The following RBM25 variants were observed in gnomAD, a reference collection of about 807,000 sequenced individuals.
RBM25 encodes RNA binding motif protein 25.
RBM25 carries 19 observed loss-of-function variants against 120.7 expected under a neutral mutation model. The ratio of observed to expected loss-of-function variants is 0.16; its 90% CI spans 0.11 to 0.23. RBM25 has a LOEUF of 0.23. Among genes scored for constraint, RBM25 ranks in the 10% least tolerant of loss-of-function variants. The probability of loss-of-function intolerance (pLI) is 1.00; values close to 1 mark genes in which losing one functional copy is unlikely to be tolerated. For missense variants in RBM25, 605 were observed against 1,041.5 expected (o/e 0.58, Z 5.77); for synonymous variants, 390 against 326.7 (o/e 1.19, Z -2.09).
At chr14:73,113,476 T>C (rs1896358117) in intron 17 of RBM25, among the ~76,000 whole-genome samples, 1 of 151,544 alleles carries the variant, frequency 6.6e-6, no homozygotes, top group Admixed American at 6.6e-5. Context: ...AGAACACTTG[T>C]GGTCACGAGT....
chr14:73,066,510 G>T (rs1895137895), intron 1 of RBM25, among the ~76,000 whole-genome samples: 1 of 152,176 alleles, frequency 6.6e-6, no homozygotes, highest in African/African-American at 2.4e-5. Flanking sequence ...GGTCGTGCGT[G>T]CCTTGTGGTG....
intron 10 of RBM25, among the ~76,000 whole-genome samples, chr14:73,103,944 T>TCA (rs1896117191): frequency 2.4e-4 from 10 of 42,528 alleles, no homozygotes; most frequent in Non-Finnish European, 4.7e-4. Context: ...TCTCTCTCTC[T>TCA]CTCTCACACA....
rs2140471382 is a variant in RBM25 at position 73,121,088 on chromosome 14, C to A, written c.*1283C>A. The A allele has an allele frequency of 6.6e-6, 1 of 152,506 alleles. No individual in the cohort carries two copies. The highest frequency in any genetic ancestry group is 6.5e-5 in the Admixed American group (1 of 15,290). The allele number at this position is 152,506 out of a possible 1,614,324, so 9.4% of individuals were successfully genotyped here. A position where few individuals can be genotyped will look rare whatever the true frequency, so the allele number is the denominator to read the frequency against. On this transcript the variant is annotated 3_prime_UTR_variant, in exon 19 of 19. Coordinates refer to ENST00000261973, the MANE Select transcript of RBM25 (RefSeq NM_021239.3). ...TGAAAACGTAAGAAGTTTTAAACAGCTTTTCACACAAATTAGATGCAACTG... is the reference window on the plus strand; with the variant it reads ...TGAAAACGTAAGAAGTTTTAAACAGATTTTCACACAAATTAGATGCAACTG...
intron 18 of RBM25, among the ~76,000 whole-genome samples, chr14:73,115,531 C>T (rs1038052489): frequency 6.6e-6 from 1 of 152,184 alleles, no homozygotes; most frequent in African/African-American, 2.4e-5. Flanking sequence ...CAAGATTGTA[C>T]ATATGTGCTG....
At position 73,103,363 on chromosome 14, in the gene RBM25, C is replaced by T. The variant is rs774143850; in HGVS notation, c.1039C>T (p.Arg347Trp). The T allele has an allele frequency of 5.0e-6, 8 of 1,607,638 alleles. No individual in the cohort carries two copies. Among genetic ancestry groups the T allele is most frequent in the South Asian group, 1.1e-5 (1 of 90,010 alleles). Residue 347 changes from arginine to tryptophan, a missense_variant, in exon 10 of 19, where the codon CGG becomes TGG. This residue lies in a region of RBM25 where 465 missense variants were observed against 741.6 expected (regional missense o/e 0.63). Coordinates refer to ENST00000261973, the MANE Select transcript of RBM25 (RefSeq NM_021239.3). Reference protein sequence around the residue: ...KEKERERERERDRDRDRTKER... With the variant: ...KEKEREREREWDRDRDRTKER... Reference sequence around the variant, plus strand: ...GAAAGAACGGGAGCGGGAACGAGAACGGGATAGGGACCGTGACCGGACAAA... The same window carrying T: ...GAAAGAACGGGAGCGGGAACGAGAATGGGATAGGGACCGTGACCGGACAAA...
chr14:73,105,125 A>AT (rs1566598147), intron 10 of RBM25, among the ~76,000 whole-genome samples: 1 of 85,936 alleles, frequency 1.2e-5, no homozygotes, highest in Non-Finnish European at 2.2e-5. Flanking sequence ...TGGTTTTATT[A>AT]CTTTTTTTTT....
chr14:73,073,282 C>T (rs1013910682), intron 2 of RBM25, among the ~76,000 whole-genome samples: 2 of 152,128 alleles, frequency 1.3e-5, no homozygotes, highest in Non-Finnish European at 2.9e-5. Flanking sequence ...TTTACTGCCA[C>T]AGGCTCAGCT....
At chr14:73,064,436 C>G (rs913304627) in intron 1 of RBM25, among the ~76,000 whole-genome samples, 3 of 151,248 alleles carry the variant, frequency 2.0e-5, no homozygotes, top group African/African-American at 7.3e-5. Context: ...GCTCTGTCAC[C>G]CAGGTTGGAG....
chr14:73,076,473 CAAGGACAG>C lies in RBM25; in HGVS notation c.156+108_156+115del, dbSNP rs775215816. The C allele has an allele frequency of 4.5e-4, 467 of 1,049,166 alleles. 2 individuals are homozygous for C. The highest frequency in any genetic ancestry group is 6.6e-4 in the Non-Finnish European group (459 of 697,638). 65.0% of individuals were successfully genotyped at this position (1,049,166 alleles called of 1,614,324 possible). A position where few individuals can be genotyped will look rare whatever the true frequency, so the allele number is the denominator to read the frequency against. On this transcript the variant is annotated intron_variant, in intron 3 of 18. Transcript: ENST00000261973. ...AAATTATGAGTATTTAAAAGAATAA[CAAGGACAG>C]AATGACAGCACCCCTGTAGAGCATA...
chr14:73,084,854 T>C (rs1235359027), intron 5 of RBM25, among the ~76,000 whole-genome samples: 1 of 124,790 alleles, frequency 8.0e-6, no homozygotes, highest in Non-Finnish European at 1.8e-5. Context: ...CTGGCCGCTA[T>C]TTTTTTTTTT....
chr14:73,112,830 G>A (rs1896341274), intron 17 of RBM25, among the ~76,000 whole-genome samples: 1 of 151,948 alleles, frequency 6.6e-6, no homozygotes, highest in Non-Finnish European at 1.5e-5. Context: ...TTGAGTCGGA[G>A]TTTTGCTTTG....
chr14:73,090,381 A>G (rs1390324011), intron 6 of RBM25, among the ~76,000 whole-genome samples: 1 of 152,112 alleles, frequency 6.6e-6, no homozygotes, highest in African/African-American at 2.4e-5. Context: ...ATGACATTCA[A>G]GGCTCACTCC....
At chr14:73,099,514 C>T in intron 8 of RBM25, 81 bp downstream of exon 8, 5 of 1,584,664 alleles carry the variant, frequency 3.2e-6, no homozygotes, top group Non-Finnish European at 4.3e-6. Context: ...TCTGATTTTT[C>T]ACTATTTAAC....
chr14:73,097,184 C>CT (rs1555345629), intron 7 of RBM25, 84 bp downstream of exon 7: 5 of 187,664 alleles, frequency 2.7e-5, no homozygotes, highest in Non-Finnish European at 3.7e-5. Context: ...TGTCAGTTTT[C>CT]TTTTTTCTTT....
intron 7 of RBM25, among the ~76,000 whole-genome samples, chr14:73,098,744 A>G (rs1331488857): frequency 3.9e-5 from 6 of 152,044 alleles, no homozygotes; most frequent in Admixed American, 3.9e-4. Flanking sequence ...CCCGGGTTCA[A>G]GCGATTCTCC....
chr14:73,112,957 C>A (rs777524478), intron 17 of RBM25, among the ~76,000 whole-genome samples: 1 of 152,030 alleles, frequency 6.6e-6, no homozygotes, highest in African/African-American at 2.4e-5. Flanking sequence ...GCATATGCCA[C>A]CACACCCTGC....
At chr14:73,114,592 G>A (rs955728035) in intron 18 of RBM25, among the ~76,000 whole-genome samples, 1 of 152,072 alleles carries the variant, frequency 6.6e-6, no homozygotes, top group Non-Finnish European at 1.5e-5. Context: ...TTCACTTCCT[G>A]CCTGTCTTTG....
At chr14:73,114,664 G>T (rs1439836491) in intron 18 of RBM25, among the ~76,000 whole-genome samples, 26 of 152,192 alleles carry the variant, frequency 1.7e-4, no homozygotes, top group Non-Finnish European at 8.8e-5. Flanking sequence ...GGGAGGCTGA[G>T]GCGGGTGGAT....
Position 73,119,808 on chromosome 14 carries a change from CTT to C in RBM25, c.*7_*8del. 1 of 1,599,092 alleles carries C rather than the reference CTT, an allele frequency of 6.3e-7. No homozygotes were observed. On this transcript the variant is annotated 3_prime_UTR_variant, in exon 19 of 19. Coordinates refer to ENST00000261973, the MANE Select transcript of RBM25 (RefSeq NM_021239.3). ...AGAAAATTGGTCTTGTGAAGTAAAA[CTT>C]TTTATATTTAGAGTTCCATTTCAGA... is the stretch of plus-strand genomic sequence containing the variant.
Sources: allele counts gnomAD v4.1 joint callset (sites outside exome capture counted in the v4.1 genomes callset), GRCh38; gene constraint gnomAD v4.1.1; regional missense constraint gnomAD v4.1.1; transcripts MANE v1.5; gene names NCBI Gene and HGNC (gene_info 2026-07-23, HGNC 2026-07-21).